The following TAFA1 variants were observed in gnomAD, a reference collection of about 807,000 sequenced individuals.
TAFA1 encodes TAFA chemokine like family member 1, also known as chemokine-like protein TAFA-1.
A neutral mutation model predicts 18.5 loss-of-function variants in TAFA1; 4 were observed. The observed-to-expected ratio is 0.22, with a 90% confidence interval of 0.11 to 0.49. TAFA1 has a LOEUF of 0.49. Ranked by LOEUF, TAFA1 falls within the 20% of genes least tolerant of loss-of-function variation. TAFA1 has a pLI of 0.98. For missense variants in TAFA1, 147 were observed against 169.0 expected (o/e 0.87, Z 0.72); for synonymous variants, 56 against 55.2 (o/e 1.01, Z -0.06).
At chr3:68,183,716 C>A (rs964867053) in intron 2 of TAFA1, among the ~76,000 whole-genome samples, 2 of 152,080 alleles carry the variant, frequency 1.3e-5, no homozygotes, top group Non-Finnish European at 2.9e-5. Context: ...GATTTCCAAC[C>A]CACTTTGGTA....
Position 68,080,998 on chromosome 3 carries a change from G to C in TAFA1, c.118+74254G>C, listed in dbSNP as rs1366629629. ...TTCACATAGTCCCATATTTCTTGGA[G>C]GCTTTGCTCATTTCTTTTTATTCTT... On this transcript the variant is annotated intron_variant, in intron 2 of 4. Transcript: ENST00000478136. Among the ~76,000 whole-genome samples, 3 of 151,994 alleles carry C rather than the reference G, an allele frequency of 2.0e-5. No individual in the cohort carries two copies. The East Asian group carries it at 5.8e-4, about 29-fold the overall frequency.
intron 3 of TAFA1, among the ~76,000 whole-genome samples, chr3:68,480,119 G>A (rs1288331185): frequency 3.3e-5 from 5 of 151,846 alleles, no homozygotes; most frequent in Non-Finnish European, 5.9e-5. Context: ...TTGGCTGGGC[G>A]CAGTGGCTCA....
chr3:68,058,053 A>T (rs1259776415), intron 2 of TAFA1, among the ~76,000 whole-genome samples: 1 of 152,196 alleles, frequency 6.6e-6, no homozygotes, highest in Non-Finnish European at 1.5e-5. Context: ...GCAATAAGAA[A>T]CTAATCACAG....
Position 68,134,067 on chromosome 3 carries a change from G to GA in TAFA1, c.118+127339dup, listed in dbSNP as rs10593198. Among the ~76,000 whole-genome samples the GA allele has an allele frequency of 8.3e-3, 805 of 97,268 alleles. 3 individuals are homozygous for GA. The highest frequency in any genetic ancestry group is 0.011 in the East Asian group (40 of 3,514). The allele number at this position is 97,268 out of a possible 152,430, so 63.8% of individuals were successfully genotyped here. ...GAAATGACAAGTGTGATGACAACTG[G>GA]AAAAAAAAAAAAAAAACAATGAGAA... is the stretch of plus-strand genomic sequence containing the variant. On this transcript the variant is annotated intron_variant, in intron 2 of 4. Coordinates refer to ENST00000478136, the MANE Select transcript of TAFA1 (RefSeq NM_213609.4).
At chr3:68,325,435 A>T (rs2106716229) in intron 2 of TAFA1, among the ~76,000 whole-genome samples, 1 of 152,262 alleles carries the variant, frequency 6.6e-6, no homozygotes, top group South Asian at 2.1e-4. Context: ...TGTTGTGATG[A>T]TTGAATTAGG....
chr3:68,166,918 T>A (rs901100495), intron 2 of TAFA1, among the ~76,000 whole-genome samples: 1 of 152,158 alleles, frequency 6.6e-6, no homozygotes, highest in Admixed American at 6.5e-5. Context: ...ATCTTCTGAA[T>A]GATAAATAAG....
intron 2 of TAFA1, chr3:68,246,826 T>G (rs1032509847): frequency 6.6e-6 from 1 of 152,104 alleles, no homozygotes; most frequent in African/African-American, 2.4e-5. Flanking sequence ...TTTAAGACAC[T>G]TTGAAAATGG....
At chr3:68,031,905 C>T (rs1019503705) in intron 2 of TAFA1, among the ~76,000 whole-genome samples, 26 of 152,044 alleles carry the variant, frequency 1.7e-4, no homozygotes, top group East Asian at 5.8e-4. Flanking sequence ...ATCATTGGGA[C>T]GCGTTTTTTA....
At chr3:68,233,761 C>T (rs1409997826) in intron 2 of TAFA1, among the ~76,000 whole-genome samples, 1 of 152,084 alleles carries the variant, frequency 6.6e-6, no homozygotes, top group African/African-American at 2.4e-5. Context: ...TATACTGGAA[C>T]TTCCAGGATA....
intron 2 of TAFA1, among the ~76,000 whole-genome samples, chr3:68,395,542 A>T (rs1222621976): frequency 1.3e-5 from 2 of 152,224 alleles, no homozygotes; most frequent in Non-Finnish European, 2.9e-5. Flanking sequence ...AAGAGCAAAC[A>T]CTTGCTAACA....
At chr3:68,511,517 C>T (rs1237987848) in intron 3 of TAFA1, among the ~76,000 whole-genome samples, 2 of 151,984 alleles carry the variant, frequency 1.3e-5, no homozygotes, top group African/African-American at 2.4e-5. Context: ...TGAGACAATC[C>T]AGTGTGAACT....
intron 2 of TAFA1, among the ~76,000 whole-genome samples, chr3:68,182,089 G>A (rs931857025): frequency 1.3e-5 from 2 of 152,238 alleles, no homozygotes; most frequent in African/African-American, 4.8e-5. Context: ...CACGCTTGCA[G>A]TCTTAGCTAC....
chr3:68,065,255 G>T (rs940090731), intron 2 of TAFA1, among the ~76,000 whole-genome samples: 6 of 152,058 alleles, frequency 3.9e-5, no homozygotes, highest in African/African-American at 1.4e-4. Flanking sequence ...ATATTGCAGG[G>T]GTTTTTGTTT....
At chr3:68,392,642 G>A (rs181804915) in intron 2 of TAFA1, among the ~76,000 whole-genome samples, 8 of 151,618 alleles carry the variant, frequency 5.3e-5, no homozygotes, top group African/African-American at 9.7e-5. Context: ...GCAAAAAAAC[G>A]GAAATCAGAA....
At chr3:68,326,093 A>G (rs1002419653) in intron 2 of TAFA1, among the ~76,000 whole-genome samples, 3 of 152,236 alleles carry the variant, frequency 2.0e-5, no homozygotes, top group Admixed American at 1.3e-4. Context: ...TAAAGGAAAT[A>G]TTAGGACTTC....
intron 3 of TAFA1, among the ~76,000 whole-genome samples, chr3:68,513,449 T>G (rs924819112): frequency 1.3e-5 from 2 of 152,168 alleles, no homozygotes; most frequent in Non-Finnish European, 2.9e-5. Context: ...TTTTATTTAG[T>G]TTTAATTAAT....
intron 2 of TAFA1, among the ~76,000 whole-genome samples, chr3:68,093,216 G>T (rs1433074981): frequency 6.6e-6 from 1 of 151,984 alleles, no homozygotes; most frequent in African/African-American, 2.4e-5. Context: ...TTTAATTCTT[G>T]TCCGGCCTGG....
chr3:68,119,169 A>G (rs754639191), intron 2 of TAFA1, among the ~76,000 whole-genome samples: 2 of 151,864 alleles, frequency 1.3e-5, no homozygotes, highest in Non-Finnish European at 2.9e-5. Flanking sequence ...GGCCATTTGT[A>G]TATCTTCTTT....
intron 2 of TAFA1, among the ~76,000 whole-genome samples, chr3:68,413,081 A>T (rs2070745521): frequency 6.6e-6 from 1 of 152,096 alleles, no homozygotes; most frequent in Non-Finnish European, 1.5e-5. Context: ...AACTGGTGTG[A>T]GATGGTATCT....
Sources: allele counts gnomAD v4.1 joint callset (sites outside exome capture counted in the v4.1 genomes callset), GRCh38; gene constraint gnomAD v4.1.1; transcripts MANE v1.5; gene names NCBI Gene and HGNC (gene_info 2026-07-23, HGNC 2026-07-21).